The following YAE1 variants were observed in gnomAD, a reference collection of about 807,000 sequenced individuals.
YAE1 encodes YAE1 maturation factor of ABCE1.
A neutral mutation model predicts 23.0 loss-of-function variants in YAE1; 22 were observed. The ratio of observed to expected loss-of-function variants is 0.96; its 90% CI spans 0.68 to 1.37. The LOEUF (loss-of-function observed/expected upper bound fraction) is 1.37. Among genes scored for constraint, YAE1 ranks in the 40% most tolerant of loss-of-function variants. YAE1 has a pLI of 0.00. For synonymous variants in YAE1, 101 were observed against 97.0 expected, an observed-to-expected ratio of 1.04 and a Z score of -0.24; for missense variants, 260 against 262.1, an observed-to-expected ratio of 0.99 and a Z score of 0.06.
chr7:39,567,169 T>A (rs1273825427), intron 1 of YAE1: 1 of 152,226 alleles, frequency 6.6e-6, no homozygotes, highest in Non-Finnish European at 1.5e-5. Flanking sequence ...GACCAAATAG[T>A]GAGGTCCACA....
intron 2 of YAE1, among the ~76,000 whole-genome samples, chr7:39,600,098 G>A (rs1791034841): frequency 6.6e-6 from 1 of 152,154 alleles, no homozygotes; most frequent in East Asian, 1.9e-4. Context: ...TCGAGAGTAA[G>A]GACCGTATCC....
At chr7:39,579,389 C>G (rs1254037236) in intron 2 of YAE1, among the ~76,000 whole-genome samples, 1 of 152,138 alleles carries the variant, frequency 6.6e-6, no homozygotes, top group South Asian at 2.1e-4. Flanking sequence ...GGACTGTGAG[C>G]TATGTGTTTA....
exon 3 of YAE1, chr7:39,609,704 G>C (rs747972028): frequency 6.5e-7 from 1 of 1,535,614 alleles, no homozygotes; most frequent in African/African-American, 1.4e-5. Flanking sequence ...GTCCCCTCCC[G>C]GTCCCCGGCC....
exon 3 of YAE1, chr7:39,610,098 T>G: frequency 7.8e-7 from 1 of 1,284,610 alleles, no homozygotes; most frequent in Admixed American, 2.9e-5. Flanking sequence ...CCAGCCCACC[T>G]TGGCCCTCCG....
At chr7:39,575,919 C>T (rs1790651976), downstream of YAE1, among the ~76,000 whole-genome samples, 2 of 152,208 alleles carry the variant, frequency 1.3e-5, no homozygotes, top group Non-Finnish European at 2.9e-5. Flanking sequence ...AATCCCTTCT[C>T]CTTGCCTTCT....
chr7:39,566,480 A>T lies in YAE1; in HGVS notation c.62A>T (p.Asp21Val), dbSNP rs768233394. The part of the protein sequence containing the change: ...QGPGDKGDVF[D>V]EEADESLLAQ... ...CCTGGAGACAAAGGGGACGTGTTTG[A>T]CGAAGAAGCAGACGAGTCGCTCCTG... Residue 21 changes from aspartate (D) to valine (V), a missense_variant, in exon 1 of 3, where the codon GAC becomes GTC. Physicochemically the swap from Asp to Val is radical, Grantham distance 152 (BLOSUM62 -3). Transcript: ENST00000223273. 17 of 1,614,196 alleles carry T rather than the reference A, an allele frequency of 1.1e-5. No homozygotes were observed. The highest frequency in any genetic ancestry group is 1.4e-5 in the Non-Finnish European group (16 of 1,180,014).
chr7:39,606,301 CAG>C (rs1431013151), intron 2 of YAE1, among the ~76,000 whole-genome samples: 2 of 152,114 alleles, frequency 1.3e-5, no homozygotes, highest in Admixed American at 6.5e-5. Context: ...TTCAAAAATA[CAG>C]AGACATTTTG....
intron 2 of YAE1, among the ~76,000 whole-genome samples, chr7:39,582,459 C>T (rs1188113083): frequency 6.6e-6 from 1 of 152,056 alleles, no homozygotes; most frequent in Non-Finnish European, 1.5e-5. Flanking sequence ...TTGTAGAAGC[C>T]AATTAAAAGT....
At chr7:39,608,118 A>T (rs1339108549) in intron 2 of YAE1, among the ~76,000 whole-genome samples, 1 of 152,252 alleles carries the variant, frequency 6.6e-6, no homozygotes, top group African/African-American at 2.4e-5. Flanking sequence ...TTAATTAAGG[A>T]AACTACTGAA....
chr7:39,572,780 T>C lies in YAE1; in HGVS notation c.*74T>C. ...CCTAACAATCGAAATTTGTACTGGT[T>C]TCTGCATCAAACACCTCAACTGTAG... On this transcript the variant is annotated 3_prime_UTR_variant, in exon 3 of 3. Coordinates refer to ENST00000223273, the MANE Select transcript of YAE1 (RefSeq NM_020192.5). 6.7e-7 allele frequency: 1 copy of C among 1,501,430 alleles called. No homozygotes were observed. The highest frequency in any genetic ancestry group is 1.4e-5 in the South Asian group (1 of 71,006). The allele number at this position is 1,501,430 out of a possible 1,614,324, so 93.0% of individuals were successfully genotyped here. A position where few individuals can be genotyped will look rare whatever the true frequency, so the allele number is the denominator to read the frequency against.
At chr7:39,581,846 TG>T (rs969561163) in intron 2 of YAE1, among the ~76,000 whole-genome samples, 1 of 151,974 alleles carries the variant, frequency 6.6e-6, no homozygotes, top group Non-Finnish European at 1.5e-5. Flanking sequence ...CACTTCAGCC[TG>T]GGTAACAGAG....
chr7:39,579,818 G>A (rs370456840), intron 2 of YAE1, among the ~76,000 whole-genome samples: 48 of 152,166 alleles, frequency 3.2e-4, no homozygotes, highest in African/African-American at 1.1e-3. Flanking sequence ...TGAGTTGGAA[G>A]GATCACTTGA....
At chr7:39,569,018 A>C (rs1469811866) in intron 1 of YAE1, among the ~76,000 whole-genome samples, 1 of 152,208 alleles carries the variant, frequency 6.6e-6, no homozygotes. Flanking sequence ...ATTATATCAA[A>C]TGAGAAATAT....
chr7:39,600,864 A>C (rs1367950277), intron 2 of YAE1, among the ~76,000 whole-genome samples: 2 of 152,242 alleles, frequency 1.3e-5, no homozygotes, highest in Non-Finnish European at 2.9e-5. Flanking sequence ...TCTTTCTCAC[A>C]GCTCTCAGAA....
intron 2 of YAE1, among the ~76,000 whole-genome samples, chr7:39,589,498 A>G (rs1790870349): frequency 6.6e-6 from 1 of 152,092 alleles, no homozygotes; most frequent in Admixed American, 6.5e-5. Context: ...AGCTCAAGCA[A>G]TCCTCCTACC....
intron 2 of YAE1, among the ~76,000 whole-genome samples, chr7:39,594,894 C>T (rs1790953996): frequency 6.6e-6 from 1 of 152,148 alleles, no homozygotes; most frequent in Non-Finnish European, 1.5e-5. Context: ...CCGTGCCCAG[C>T]CAGAACCTCG....
intron 2 of YAE1, among the ~76,000 whole-genome samples, chr7:39,603,726 T>C (rs934177675): frequency 1.3e-5 from 2 of 152,226 alleles, no homozygotes; most frequent in East Asian, 3.8e-4. Context: ...TTCAATAAAA[T>C]TTAACACACA....
intron 2 of YAE1, among the ~76,000 whole-genome samples, chr7:39,591,255 TG>T (rs909055261): frequency 1.3e-5 from 2 of 152,102 alleles, no homozygotes; most frequent in African/African-American, 2.4e-5. Context: ...AATTTATTGG[TG>T]GGGGGGACAC....
chr7:39,578,102 A>C (rs1399164305), intron 2 of YAE1, among the ~76,000 whole-genome samples: 1 of 152,180 alleles, frequency 6.6e-6, no homozygotes, highest in Non-Finnish European at 1.5e-5. Context: ...GTGTCTAGCT[A>C]ATCTGGTGGG....
Sources: allele counts gnomAD v4.1 joint callset (sites outside exome capture counted in the v4.1 genomes callset), GRCh38; gene constraint gnomAD v4.1.1; transcripts MANE v1.5; gene names NCBI Gene and HGNC (gene_info 2026-07-23, HGNC 2026-07-21).